The following DIAPH2 variants were observed in gnomAD, a reference collection of about 807,000 sequenced individuals.
DIAPH2 encodes the protein protein diaphanous homolog 2.
In DIAPH2, 35 loss-of-function variants were observed where a neutral mutation model predicts 92.7. The ratio of observed to expected loss-of-function variants is 0.38; its 90% confidence interval spans 0.29 to 0.50. The LOEUF (loss-of-function observed/expected upper bound fraction) is 0.50, where lower values mean the gene tolerates loss of function less well. DIAPH2 is among the 20% of genes least tolerant of loss of function. The probability of loss-of-function intolerance (pLI) is 0.94; values close to 1 mark genes in which losing one functional copy is unlikely to be tolerated. For missense variants in DIAPH2, 701 were observed against 819.5 expected (o/e 0.86, Z 1.77); for synonymous variants, 301 against 280.4 (o/e 1.07, Z -0.73).
At chrX:97,129,089 ATCTTTTCTTTTCTTTTCTTTTCTTT>A (rs771560890) in intron 21 of DIAPH2, among the ~76,000 whole-genome samples, 24 of 64,463 alleles carry the variant, frequency 3.7e-4, no homozygotes, top group South Asian at 1.6e-3. Flanking sequence ...TGTCTATACC[ATCTTTTCTTTTCTTTTCTTTTCTTT>A]TCTTTTCTTT....
intron 23 of DIAPH2, among the ~76,000 whole-genome samples, chrX:97,340,821 G>GT (rs900510096): frequency 1.9e-5 from 2 of 107,913 alleles, no homozygotes; most frequent in African/African-American, 6.8e-5. Context: ...ACATCCTGCT[G>GT]TTTTTTGTAT....
chrX:97,445,851 T>G (rs2070305137), intron 26 of DIAPH2, among the ~76,000 whole-genome samples: 1 of 110,795 alleles, frequency 9.0e-6, no homozygotes, highest in Non-Finnish European at 1.9e-5. Flanking sequence ...TATAGGTGTC[T>G]AAGCATTGTT....
At chrX:97,021,676 A>G (rs1481629478) in intron 17 of DIAPH2, among the ~76,000 whole-genome samples, 1 of 112,149 alleles carries the variant, frequency 8.9e-6, no homozygotes, top group African/African-American at 3.2e-5. Flanking sequence ...AAATATAAGG[A>G]ATAGTTAATA....
chrX:96,989,333 G>A (rs1385153355), intron 17 of DIAPH2, among the ~76,000 whole-genome samples: 1 of 111,679 alleles, frequency 9.0e-6, no homozygotes, highest in Admixed American at 9.5e-5. Context: ...CCATTCTTAA[G>A]CAGCCATTTC....
At chrX:97,183,068 A>G (rs1185625847) in intron 22 of DIAPH2, among the ~76,000 whole-genome samples, 1 of 112,000 alleles carries the variant, frequency 8.9e-6, no homozygotes, top group African/African-American at 3.2e-5. Context: ...ATGCCGAAGC[A>G]GTGTTTAGAA....
At chrX:96,802,353 C>T (rs1476494010) in intron 4 of DIAPH2, among the ~76,000 whole-genome samples, 1 of 112,124 alleles carries the variant, frequency 8.9e-6, no homozygotes, top group Non-Finnish European at 1.9e-5. Context: ...TGTGATTTTG[C>T]TCTATTAAAA....
chrX:96,790,011 G>A lies in DIAPH2; in HGVS notation c.447+31753G>A, dbSNP rs233672. On this transcript the variant is annotated intron_variant, in intron 4 of 26. Transcript: ENST00000324765. ...AAAGTGAGAATTCCAGAAAATCTGG[G>A]TATATTATTATAGTATCACATGTCC... Among the ~76,000 whole-genome samples the A allele has an allele frequency of 4.4e-3, 482 of 110,383 alleles. 2 individuals are homozygous for A. Among genetic ancestry groups the A allele is most frequent in the African/African-American group, 0.014 (433 of 30,414 alleles).
At chrX:97,148,780 C>T (rs2067264235) in intron 22 of DIAPH2, among the ~76,000 whole-genome samples, 1 of 111,695 alleles carries the variant, frequency 9.0e-6, no homozygotes, top group Admixed American at 9.5e-5. Context: ...TAGAGAGTAA[C>T]AGTCTGAAAA....
At chrX:96,798,357 C>T (rs1032703108) in intron 4 of DIAPH2, among the ~76,000 whole-genome samples, 1 of 110,810 alleles carries the variant, frequency 9.0e-6, no homozygotes, top group African/African-American at 3.3e-5. Flanking sequence ...ATCTTAATTT[C>T]ACTCATCTTT....
intron 17 of DIAPH2, among the ~76,000 whole-genome samples, chrX:97,007,556 A>G (rs1427230073): frequency 9.2e-6 from 1 of 109,027 alleles, no homozygotes; most frequent in Non-Finnish European, 1.9e-5. Context: ...ATTGCATGTT[A>G]TTTGTCTCCT....
chrX:97,289,875 C>G (rs768931815), intron 23 of DIAPH2, among the ~76,000 whole-genome samples: 1 of 110,159 alleles, frequency 9.1e-6, no homozygotes, highest in African/African-American at 3.3e-5. Context: ...CACGCGTGTG[C>G]CAGCACACCT....
intron 14 of DIAPH2, 52 bp from the exon 15 acceptor site, chrX:96,948,883 A>C (rs777861709): frequency 2.5e-6 from 2 of 801,298 alleles, no homozygotes; most frequent in African/African-American, 2.1e-5. Flanking sequence ...ATGTTCTTTA[A>C]AGCGTTCTGA....
At chrX:97,235,069 C>T (rs2068037645) in intron 22 of DIAPH2, among the ~76,000 whole-genome samples, 1 of 112,270 alleles carries the variant, frequency 8.9e-6, no homozygotes. Flanking sequence ...TTCATCTTTG[C>T]TTTGCCAAAT....
At chrX:97,155,108 T>A (rs2147429711) in intron 22 of DIAPH2, among the ~76,000 whole-genome samples, 1 of 112,475 alleles carries the variant, frequency 8.9e-6, no homozygotes, top group Admixed American at 9.4e-5. Context: ...TTCTCAGCAG[T>A]AGTACAGGTG....
At chrX:96,755,694 G>A (rs143396130) in intron 3 of DIAPH2, among the ~76,000 whole-genome samples, 1,785 of 99,591 alleles carry the variant, frequency 0.018, 21 homozygotes, top group Non-Finnish European at 0.024. Flanking sequence ...ACTGTTCTTC[G>A]CCAATTAGTT....
At chrX:96,774,158 G>A (rs1052783109) in intron 4 of DIAPH2, among the ~76,000 whole-genome samples, 1 of 111,774 alleles carries the variant, frequency 8.9e-6, no homozygotes, top group African/African-American at 3.3e-5. Context: ...AGAAAAGTAG[G>A]TACATTGTTT....
chrX:97,405,950 G>T (rs890883979), intron 25 of DIAPH2, among the ~76,000 whole-genome samples: 2 of 111,503 alleles, frequency 1.8e-5, no homozygotes, highest in East Asian at 5.6e-4. Context: ...CATTGAAAGA[G>T]AACTCTTAAA....
rs776460157 is a variant in DIAPH2 at position 97,356,772 on chromosome X, AAAACTC to A, written c.3009+8499_3009+8504del. Among the ~76,000 whole-genome samples, 114 of 111,135 alleles carry A rather than the reference AAAACTC, an allele frequency of 1.0e-3. No individual in the cohort carries two copies. In the Middle Eastern group the frequency reaches 0.014, roughly 14 times the overall value. ...TAATAAGGGAAGACATGGTTTAAGGAAAACTCAAACTCCCTAACATGATAAAAAAAA... is the reference window on the plus strand; with the variant it reads ...TAATAAGGGAAGACATGGTTTAAGGAAAACTCCCTAACATGATAAAAAAAA... On this transcript the variant is annotated intron_variant, in intron 24 of 26. Transcript: ENST00000324765.
chrX:97,318,942 G>A (rs1290910108), intron 23 of DIAPH2, among the ~76,000 whole-genome samples: 1 of 111,591 alleles, frequency 9.0e-6, no homozygotes, highest in Admixed American at 9.6e-5. Flanking sequence ...TTTCTTATAA[G>A]GATTCAAACA....
Sources: allele counts gnomAD v4.1 joint callset (sites outside exome capture counted in the v4.1 genomes callset), GRCh38; gene constraint gnomAD v4.1.1; transcripts MANE v1.5; gene names NCBI Gene and HGNC (gene_info 2026-07-23, HGNC 2026-07-21).